Variants in COPA observed in about 807,000 individuals in gnomAD.
The protein encoded by COPA is coatomer subunit alpha.
A neutral mutation model predicts 158.7 loss-of-function variants in COPA; 10 were observed. The ratio of observed to expected loss-of-function variants is 0.06; its 90% CI spans 0.04 to 0.11. COPA has a LOEUF of 0.11. Among genes scored for constraint, COPA ranks in the 10% least tolerant of loss-of-function variants. The pLI, the probability that COPA is intolerant of heterozygous loss-of-function variation, is 1.00. For synonymous variants in COPA, 462 were observed against 542.8 expected (o/e 0.85, Z 2.07); for missense variants, 1,065 against 1,536.7 (o/e 0.69, Z 5.13).
At chr1:160,300,164 A>AC (rs1204439177) in intron 17 of COPA, among the ~76,000 whole-genome samples, 1 of 151,916 alleles carries the variant, frequency 6.6e-6, no homozygotes, top group African/African-American at 2.4e-5. Context: ...ACATGGTGAA[A>AC]CCCCGTCTCT....
chr1:160,318,495 A>C (rs900180794), intron 8 of COPA, among the ~76,000 whole-genome samples: 42 of 139,180 alleles, frequency 3.0e-4, no homozygotes, highest in East Asian at 2.8e-3. Context: ...AAAAAAACAA[A>C]AAAAAAAAAA....
At chr1:160,337,358 T>C (rs559040113) in intron 3 of COPA, among the ~76,000 whole-genome samples, 1 of 152,364 alleles carries the variant, frequency 6.6e-6, no homozygotes, top group Admixed American at 6.5e-5. Context: ...CAGACATGAC[T>C]TTTCTAGATA....
intron 13 of COPA, among the ~76,000 whole-genome samples, chr1:160,308,777 AT>A (rs1188175660): frequency 3.9e-5 from 6 of 152,356 alleles, no homozygotes; most frequent in Admixed American, 3.9e-4. Flanking sequence ...TTGGAACCAC[AT>A]TTTTAAATAA....
chr1:160,308,180 A>G (rs559271389), intron 13 of COPA, among the ~76,000 whole-genome samples: 179 of 32,916 alleles, frequency 5.4e-3, no homozygotes, highest in African/African-American at 0.012. Flanking sequence ...ACAGATGGGG[A>G]AAAAAAAAAG....
chr1:160,330,626 A>G (rs1224589109), intron 6 of COPA, among the ~76,000 whole-genome samples: 2 of 152,110 alleles, frequency 1.3e-5, no homozygotes, highest in Admixed American at 6.6e-5. Flanking sequence ...TCAGAATCCA[A>G]ATTTTCAGCT....
intron 5 of COPA, 27 bp downstream of exon 5, chr1:160,333,576 T>C: frequency 1.3e-6 from 2 of 1,557,450 alleles, no homozygotes; most frequent in Admixed American, 3.4e-5. Context: ...TGAAGACTCT[T>C]TTCGAGCCCT....
intron 12 of COPA, among the ~76,000 whole-genome samples, chr1:160,309,742 CTTT>C (rs10714948): frequency 7.6e-5 from 10 of 131,230 alleles, no homozygotes; most frequent in Non-Finnish European, 8.2e-5. Context: ...AATGTCATTT[CTTT>C]TTTTTTTTTT....
intron 8 of COPA, chr1:160,317,490 T>C: frequency 6.2e-7 from 1 of 1,609,416 alleles, no homozygotes; most frequent in Non-Finnish European, 8.5e-7. Flanking sequence ...TTGGACAGGA[T>C]AGCAGTGAGA....
chr1:160,325,090 T>C (rs886890338), intron 7 of COPA, among the ~76,000 whole-genome samples: 2 of 151,880 alleles, frequency 1.3e-5, no homozygotes, highest in African/African-American at 2.4e-5. Flanking sequence ...GTCTGCTAAA[T>C]AGGGATAATA....
At chr1:160,329,367 T>C (rs952596407) in intron 6 of COPA, among the ~76,000 whole-genome samples, 6 of 152,220 alleles carry the variant, frequency 3.9e-5, no homozygotes, top group Non-Finnish European at 8.8e-5. Flanking sequence ...TAGTAATCCA[T>C]GCACTTCACA....
At chr1:160,337,393 T>A (rs763230513) in intron 3 of COPA, among the ~76,000 whole-genome samples, 1 of 152,186 alleles carries the variant, frequency 6.6e-6, no homozygotes, top group Non-Finnish European at 1.5e-5. Context: ...GGAAAAATGT[T>A]CAAGTTTATT....
At position 160,295,725 on chromosome 1, in the gene COPA, T is replaced by A; in HGVS notation, c.2476+11A>T. 1 of 1,592,892 alleles carries A rather than the reference T, an allele frequency of 6.3e-7. No individual in the cohort carries two copies. On this transcript the variant is annotated intron_variant, in intron 23 of 32. Coordinates refer to ENST00000241704, the MANE Select transcript of COPA (RefSeq NM_004371.4). ...AACAACAAAAGTGCTATGGGAGAAA[T>A]AGGTACTTACCTTTGCTGGCAATGG...
chr1:160,324,819 T>A (rs1026461852), intron 7 of COPA, among the ~76,000 whole-genome samples: 1 of 152,148 alleles, frequency 6.6e-6, no homozygotes, highest in Non-Finnish European at 1.5e-5. Context: ...TATAAAGAGA[T>A]CTTCAGACCA....
chr1:160,325,744 G>A, intron 6 of COPA, 92 bp from the exon 7 acceptor site: 6 of 897,236 alleles, frequency 6.7e-6, no homozygotes, highest in Middle Eastern at 2.3e-4. Context: ...CAGTGAAAAA[G>A]AAAAGAAAAA....
chr1:160,314,259 G>A, intron 8 of COPA, 134 bp from the exon 9 acceptor site: 1 of 832,788 alleles, frequency 1.2e-6, no homozygotes. Context: ...TTCTAATATG[G>A]CAATCTTCTT....
intron 31 of COPA, 113 bp from the exon 32 acceptor site, chr1:160,290,799 G>GA: frequency 1.0e-6 from 1 of 972,092 alleles, no homozygotes; most frequent in Non-Finnish European, 1.6e-6. Flanking sequence ...TGTACTGCGT[G>GA]AAAAGAGGTC....
chr1:160,300,483 CT>C (rs1658566066), intron 17 of COPA, among the ~76,000 whole-genome samples: 2 of 151,830 alleles, frequency 1.3e-5, no homozygotes, highest in African/African-American at 4.8e-5. Context: ...GCTAAATAAA[CT>C]GAATCAGATT....
intron 6 of COPA, among the ~76,000 whole-genome samples, chr1:160,331,690 C>A (rs983046768): frequency 6.6e-6 from 1 of 151,260 alleles, no homozygotes; most frequent in East Asian, 1.9e-4. Flanking sequence ...TGGCTCACAC[C>A]TGTAGTCCCA....
intron 6 of COPA, among the ~76,000 whole-genome samples, chr1:160,327,515 C>G (rs1193687536): frequency 6.6e-6 from 1 of 150,776 alleles, no homozygotes; most frequent in Non-Finnish European, 1.5e-5. Flanking sequence ...GCCAAGATTG[C>G]ACCACTTTAC....
Sources: gnomAD v4.1 joint callset for allele counts (sites outside exome capture counted in the v4.1 genomes callset) on GRCh38, gnomAD v4.1.1 for gene constraint, MANE v1.5 for transcripts, NCBI Gene and HGNC (gene_info 2026-07-23, HGNC 2026-07-21) for gene names.